XIRP2: variants seen among roughly 807,000 people sequenced by gnomAD.
The protein encoded by XIRP2 is xin actin-binding repeat-containing protein 2.
A neutral mutation model predicts 277.0 loss-of-function variants in XIRP2; 236 were observed. That is an observed-to-expected ratio of 0.85 (90% CI 0.77 to 0.95). The LOEUF is 0.95. Ranked by LOEUF, XIRP2 falls within the 40% of genes least tolerant of loss-of-function variation. XIRP2 has a pLI of 0.00. For synonymous variants in XIRP2, 1,490 were observed against 1,416.5 expected, an observed-to-expected ratio of 1.05 and a Z score of -1.17; for missense variants, 4,640 against 4,157.5, an observed-to-expected ratio of 1.12 and a Z score of -3.19.
chr2:167,000,974 G>A (rs1461453555), intron 2 of XIRP2, among the ~76,000 whole-genome samples: 1 of 152,132 alleles, frequency 6.6e-6, no homozygotes, highest in Non-Finnish European at 1.5e-5. Context: ...TCGAGACCAG[G>A]AGTTCGAGGT....
intron 2 of XIRP2, among the ~76,000 whole-genome samples, chr2:166,913,193 C>A (rs1044238995): frequency 6.6e-6 from 1 of 152,126 alleles, no homozygotes; most frequent in African/African-American, 2.4e-5. Flanking sequence ...CTATGCTTTG[C>A]CCCCCAGAGG....
At chr2:167,108,704 G>C (rs1018476876) in intron 2 of XIRP2, among the ~76,000 whole-genome samples, 1 of 151,956 alleles carries the variant, frequency 6.6e-6, no homozygotes, top group Non-Finnish European at 1.5e-5. Flanking sequence ...ACAGAACACT[G>C]CTTATCCAAC....
rs1324242570 is a variant in XIRP2, at chr2:167,251,024, G to C, written c.9632G>C (p.Arg3211Thr). 22 of 1,613,460 alleles carry C rather than the reference G, an allele frequency of 1.4e-5. No individual in the cohort carries two copies. The highest frequency in any genetic ancestry group is 1.8e-5 in the Non-Finnish European group (21 of 1,179,722). ...AATPVPIVEK[R>T]SEIIMSPATL... ...ACCCCGGTTCCAATTGTAGAGAAGAGGTCTGAAATCATCATGTCTCCTGCA... is the reference window on the plus strand; with the variant it reads ...ACCCCGGTTCCAATTGTAGAGAAGACGTCTGAAATCATCATGTCTCCTGCA... The change falls in exon 9 of 11, where the codon AGG (arginine) becomes ACG (threonine). Residue 3211 changes from arginine (R) to threonine (T), a missense_variant. By Grantham distance (71) the Arg-to-Thr change is moderately conservative. Transcript: ENST00000409195.
intron 3 of XIRP2, among the ~76,000 whole-genome samples, chr2:167,159,447 AT>A (rs150926744): frequency 6.6e-6 from 1 of 152,166 alleles, no homozygotes; most frequent in Non-Finnish European, 1.5e-5. Flanking sequence ...ACAAGGATAC[AT>A]TTTTTATTCT....
chr2:167,246,965 C>A lies in XIRP2; in HGVS notation c.5573C>A (p.Thr1858Lys), dbSNP rs111536641. The change falls in exon 9 of 11, where the codon ACG (threonine) becomes AAG (lysine). Residue 1858 changes from threonine (T) to lysine (K), a missense_variant. By Grantham distance (78) the Thr-to-Lys change is moderately conservative (BLOSUM62 -1). Coordinates refer to ENST00000409195, the MANE Select transcript of XIRP2 (RefSeq NM_152381.6). ...LSQAVNQKTV[T>K]KTEEIIKGNM... Reference sequence around the variant, plus strand: ...CAGGCTGTAAATCAGAAAACAGTGACGAAAACAGAAGAAATTATAAAAGGT... The same window carrying A: ...CAGGCTGTAAATCAGAAAACAGTGAAGAAAACAGAAGAAATTATAAAAGGT... 3 of 1,613,310 alleles carry A rather than the reference C, an allele frequency of 1.9e-6. No homozygotes were observed. The highest frequency in any genetic ancestry group is 2.5e-6 in the Non-Finnish European group (3 of 1,179,676).
At chr2:167,021,333 G>A (rs1238186534) in intron 2 of XIRP2, among the ~76,000 whole-genome samples, 2 of 151,924 alleles carry the variant, frequency 1.3e-5, no homozygotes, top group African/African-American at 2.4e-5. Context: ...AATATAATTT[G>A]GCAGAAAAAT....
At chr2:166,984,513 A>G (rs542040160) in intron 2 of XIRP2, among the ~76,000 whole-genome samples, 3 of 152,272 alleles carry the variant, frequency 2.0e-5, no homozygotes, top group Admixed American at 1.3e-4. Context: ...AAATAATATT[A>G]TAAGACAAAA....
Position 167,245,822 on chromosome 2 carries a change from T to A in XIRP2, c.4430T>A (p.Val1477Asp), listed in dbSNP as rs773692211. 6.2e-7 allele frequency: 1 copy of A among 1,613,722 alleles called. No homozygotes were observed. The highest frequency in any genetic ancestry group is 2.2e-5 in the East Asian group (1 of 44,820). ...TTAGAATATGAAAATATCAAGACAG[T>A]CACTCAGGAAGATGTGCAGAAAGGT... Reference protein sequence around the residue: ...EGLEYENIKTVTQEDVQKGDV... With the variant: ...EGLEYENIKTDTQEDVQKGDV... The change falls in exon 9 of 11, where the codon GTC becomes GAC. Residue 1477 changes from valine to aspartate, a missense_variant. By Grantham distance (152) the Val-to-Asp change is radical (BLOSUM62 -3). Coordinates refer to ENST00000409195, the MANE Select transcript of XIRP2 (RefSeq NM_152381.6).
intron 2 of XIRP2, among the ~76,000 whole-genome samples, chr2:167,021,158 T>G (rs1201417102): frequency 6.6e-6 from 1 of 152,126 alleles, no homozygotes; most frequent in Admixed American, 6.6e-5. Flanking sequence ...TATAATCATT[T>G]TGGCACCTAT....
intron 3 of XIRP2, chr2:167,187,197 C>T: frequency 1.0e-6 from 1 of 959,558 alleles, no homozygotes; most frequent in Non-Finnish European, 1.2e-6. Flanking sequence ...TGTGTTAGAG[C>T]CATGCATACA....
intron 2 of XIRP2, among the ~76,000 whole-genome samples, chr2:166,974,221 G>T (rs983572993): frequency 6.6e-6 from 1 of 152,112 alleles, no homozygotes; most frequent in Non-Finnish European, 1.5e-5. Flanking sequence ...AATATCATTG[G>T]CTTGGAGTTT....
intron 2 of XIRP2, among the ~76,000 whole-genome samples, chr2:166,924,464 T>C (rs1685133654): frequency 6.6e-6 from 1 of 152,102 alleles, no homozygotes; most frequent in Admixed American, 6.6e-5. Flanking sequence ...ATCATTTTTT[T>C]CTTTTATAAC....
chr2:167,198,214 G>A (rs536756450), intron 3 of XIRP2, among the ~76,000 whole-genome samples: 57 of 152,266 alleles, frequency 3.7e-4, no homozygotes, highest in African/African-American at 1.3e-3. Flanking sequence ...TTAGGAAACT[G>A]ACATCATCTC....
At chr2:167,060,684 A>G (rs1406451945) in intron 2 of XIRP2, among the ~76,000 whole-genome samples, 4 of 152,172 alleles carry the variant, frequency 2.6e-5, no homozygotes, top group African/African-American at 9.7e-5. Flanking sequence ...TTGATCATAT[A>G]TGTGTGGATC....
intron 3 of XIRP2, among the ~76,000 whole-genome samples, chr2:167,191,342 A>C (rs1693327847): frequency 1.3e-5 from 2 of 152,288 alleles, no homozygotes; most frequent in African/African-American, 4.8e-5. Context: ...TAACTCATAC[A>C]TGGTTTAAGC....
At chr2:167,175,829 GC>G (rs1251967842) in intron 3 of XIRP2, among the ~76,000 whole-genome samples, 3 of 150,418 alleles carry the variant, frequency 2.0e-5, no homozygotes, top group Admixed American at 6.6e-5. Context: ...TTTCAGAGAT[GC>G]CCTGCCCCAA....
intron 2 of XIRP2, among the ~76,000 whole-genome samples, chr2:167,074,019 C>G (rs1183655949): frequency 1.3e-5 from 2 of 152,094 alleles, no homozygotes; most frequent in African/African-American, 4.8e-5. Flanking sequence ...CTTTGATACT[C>G]CATGAGACAC....
chr2:166,914,164 A>T (rs1684795149), intron 2 of XIRP2, among the ~76,000 whole-genome samples: 1 of 152,178 alleles, frequency 6.6e-6, no homozygotes, highest in Non-Finnish European at 1.5e-5. Context: ...AAAGAAGCAA[A>T]GGCTGACATG....
intron 3 of XIRP2, among the ~76,000 whole-genome samples, chr2:167,162,721 CA>C (rs1230205604): frequency 2.0e-5 from 3 of 152,146 alleles, no homozygotes; most frequent in Admixed American, 6.5e-5. Context: ...ATAATTTACA[CA>C]GAATAAAATA....
Sources: gnomAD v4.1 joint callset for allele counts (sites outside exome capture counted in the v4.1 genomes callset) on GRCh38, gnomAD v4.1.1 for gene constraint, MANE v1.5 for transcripts, NCBI Gene and HGNC (gene_info 2026-07-23, HGNC 2026-07-21) for gene names.